The following MIB1 variants were observed in gnomAD, a reference collection of about 807,000 sequenced individuals.
MIB1 encodes MIB E3 ubiquitin protein ligase 1, also known as E3 ubiquitin-protein ligase MIB1.
In MIB1, 278 loss-of-function variants were observed where a neutral mutation model predicts 124.5. The observed-to-expected ratio is 2.23, with a 90% CI of 2.02 to 2.47. The LOEUF is 2.47. Ranked by LOEUF, MIB1 falls within the 30% of genes most tolerant of loss-of-function variation. The pLI is 0.00. For missense variants in MIB1, 957 were observed against 1,254.4 expected (o/e 0.76, Z 3.58); for synonymous variants, 446 against 429.4 (o/e 1.04, Z -0.48).
At chr18:21,791,794 G>C (rs1335118745) in intron 7 of MIB1, among the ~76,000 whole-genome samples, 1 of 152,148 alleles carries the variant, frequency 6.6e-6, no homozygotes. Flanking sequence ...GGTTATTGGA[G>C]AATGTTGTGT....
intron 6 of MIB1, among the ~76,000 whole-genome samples, chr18:21,782,083 G>A (rs1248210361): frequency 6.6e-6 from 1 of 151,914 alleles, no homozygotes; most frequent in African/African-American, 2.4e-5. Flanking sequence ...TCCTTGAGCT[G>A]TATTGTTAGG....
At chr18:21,783,343 A>G (rs1339461317) in intron 6 of MIB1, among the ~76,000 whole-genome samples, 1 of 152,004 alleles carries the variant, frequency 6.6e-6, no homozygotes, top group South Asian at 2.1e-4. Context: ...CCCGGGTTCA[A>G]GCAATTCTCC....
At chr18:21,853,254 T>C in intron 18 of MIB1, 36 bp downstream of exon 18, 3 of 1,429,982 alleles carry the variant, frequency 2.1e-6, no homozygotes, top group Non-Finnish European at 2.9e-6. Context: ...AATATTATTA[T>C]AAAAATAGAA....
intron 1 of MIB1, among the ~76,000 whole-genome samples, chr18:21,710,809 G>C (rs2040662107): frequency 6.7e-6 from 1 of 148,826 alleles, no homozygotes; most frequent in Non-Finnish European, 1.5e-5. Context: ...AGATATGCTA[G>C]TTTAACATAA....
At chr18:21,810,032 C>T (rs1317541815) in intron 10 of MIB1, among the ~76,000 whole-genome samples, 3 of 151,968 alleles carry the variant, frequency 2.0e-5, no homozygotes, top group South Asian at 2.1e-4. Flanking sequence ...TAGCAGAATA[C>T]GAAGTTAAAA....
chr18:21,712,563 GC>G (rs1394964850), intron 1 of MIB1, among the ~76,000 whole-genome samples: 3 of 152,166 alleles, frequency 2.0e-5, no homozygotes, highest in African/African-American at 7.2e-5. Flanking sequence ...TCTATGGGTG[GC>G]CTCCATCAGA....
intron 12 of MIB1, among the ~76,000 whole-genome samples, chr18:21,837,219 T>A (rs1485208163): frequency 1.3e-5 from 2 of 152,132 alleles, no homozygotes; most frequent in Admixed American, 6.5e-5. Flanking sequence ...TTAAAAAGTC[T>A]AATAAAAGGC....
chr18:21,734,569 C>A (rs2040787427), intron 1 of MIB1, among the ~76,000 whole-genome samples: 1 of 151,570 alleles, frequency 6.6e-6, no homozygotes, highest in African/African-American at 2.4e-5. Flanking sequence ...TGCTCTGTCA[C>A]CCAGGCTGGA....
At chr18:21,802,476 T>G (rs1425456325) in intron 9 of MIB1, among the ~76,000 whole-genome samples, 1 of 152,180 alleles carries the variant, frequency 6.6e-6, no homozygotes, top group Non-Finnish European at 1.5e-5. Flanking sequence ...CAGTTTTAAA[T>G]TTCAAGCTTT....
chr18:21,800,008 A>G (rs1415995390), intron 9 of MIB1, 34 bp downstream of exon 9: 1 of 1,584,030 alleles, frequency 6.3e-7, no homozygotes, highest in Non-Finnish European at 8.6e-7. Flanking sequence ...GAAGCATACA[A>G]AAAGTAGAAT....
At chr18:21,717,701 A>G (rs186404778) in intron 1 of MIB1, among the ~76,000 whole-genome samples, 1 of 152,312 alleles carries the variant, frequency 6.6e-6, no homozygotes, top group East Asian at 1.9e-4. Flanking sequence ...ATGCGATGCC[A>G]CCTTACTCCT....
intron 12 of MIB1, among the ~76,000 whole-genome samples, chr18:21,832,421 T>C (rs2041992613): frequency 6.6e-6 from 1 of 152,216 alleles, no homozygotes; most frequent in African/African-American, 2.4e-5. Flanking sequence ...AAAAATACTT[T>C]TGTTTTAAAT....
intron 7 of MIB1, among the ~76,000 whole-genome samples, chr18:21,796,008 G>C (rs991759714): frequency 6.6e-6 from 1 of 152,136 alleles, no homozygotes; most frequent in Non-Finnish European, 1.5e-5. Context: ...TCTTGAATTT[G>C]AATGAAAAGA....
At chr18:21,705,959 G>A (rs2040622001) in intron 1 of MIB1, among the ~76,000 whole-genome samples, 3 of 152,162 alleles carry the variant, frequency 2.0e-5, no homozygotes, top group South Asian at 4.1e-4. Flanking sequence ...CATAGCAAAC[G>A]TGAATGCATA....
intron 1 of MIB1, among the ~76,000 whole-genome samples, chr18:21,722,104 G>T (rs991202058): frequency 1.3e-5 from 2 of 152,066 alleles, no homozygotes; most frequent in African/African-American, 4.8e-5. Context: ...GCCCAGGCTG[G>T]AGTGCAATGG....
At chr18:21,851,088 A>C (rs2042175542) in intron 17 of MIB1, among the ~76,000 whole-genome samples, 1 of 152,136 alleles carries the variant, frequency 6.6e-6, no homozygotes, top group Non-Finnish European at 1.5e-5. Flanking sequence ...AGAGTTAAAA[A>C]CTGAGTAGGA....
chr18:21,736,948 A>G (rs147449892), upstream of MIB1, among the ~76,000 whole-genome samples: 3 of 152,230 alleles, frequency 2.0e-5, no homozygotes, highest in Non-Finnish European at 4.4e-5. Context: ...ACTCTTCAGG[A>G]TATCATCCAG....
intron 18 of MIB1, among the ~76,000 whole-genome samples, chr18:21,855,965 T>TCACG (rs1276536614): frequency 6.6e-6 from 1 of 151,574 alleles, no homozygotes; most frequent in Non-Finnish European, 1.5e-5. Flanking sequence ...GCGCGGTGGC[T>TCACG]CACGCCTGTA....
chr18:21,721,172 T>TG (rs2040713727), intron 1 of MIB1, among the ~76,000 whole-genome samples: 1 of 102,018 alleles, frequency 9.8e-6, no homozygotes, highest in African/African-American at 4.5e-5. Flanking sequence ...TTTTTTTTTT[T>TG]TTTTTTTTTT....
Sources: allele counts gnomAD v4.1 joint callset (sites outside exome capture counted in the v4.1 genomes callset), GRCh38; gene constraint gnomAD v4.1.1; transcripts MANE v1.5; gene names NCBI Gene and HGNC (gene_info 2026-07-23, HGNC 2026-07-21).